The following SLC9C1 variants were observed in gnomAD, a reference collection of about 807,000 sequenced individuals.
The protein encoded by SLC9C1 is sodium/hydrogen exchanger 10.
Under a neutral mutation model 140.9 loss-of-function variants are expected in SLC9C1, and 97 were observed. The observed-to-expected ratio is 0.69, with a 90% CI of 0.58 to 0.82. SLC9C1 has a LOEUF of 0.82. Ranked by LOEUF, SLC9C1 falls within the 40% of genes least tolerant of loss-of-function variation. The pLI is 0.00. For missense variants in SLC9C1, 1,340 were observed against 1,389.3 expected (o/e 0.96, Z 0.56); for synonymous variants, 440 against 442.6 (o/e 0.99, Z 0.07).
intron 13 of SLC9C1, among the ~76,000 whole-genome samples, chr3:112,227,569 T>C (rs535208271): frequency 1.3e-5 from 2 of 152,210 alleles, no homozygotes; most frequent in Admixed American, 6.5e-5. Context: ...AAAGTAGATA[T>C]ACAAGGAATG....
chr3:112,198,441 T>G (rs1454984767), intron 20 of SLC9C1, among the ~76,000 whole-genome samples: 1 of 151,970 alleles, frequency 6.6e-6, no homozygotes, highest in Non-Finnish European at 1.5e-5. Context: ...GGATAAGACC[T>G]CCAGCATAGT....
chr3:112,180,567 T>C lies in SLC9C1; in HGVS notation c.2745A>G (p.Val915=). ...AAAACAAAAACCTCTGCCTTACCTT[T>C]ACCATGCCTGAAATAATGATATAGA... The part of the protein sequence containing the change: ...KGIYIIISGM[V]KLEKSKPGLG... Residue 915 remains valine, a synonymous_variant, in exon 22 of 29, where the codon GTA becomes GTG. Coordinates refer to ENST00000305815, the MANE Select transcript of SLC9C1 (RefSeq NM_183061.3). 1.9e-6 allele frequency: 3 copies of C among 1,604,512 alleles called. No homozygotes were observed. The highest frequency in any genetic ancestry group is 2.7e-5 in the African/African-American group (2 of 74,246).
intron 26 of SLC9C1, among the ~76,000 whole-genome samples, chr3:112,156,877 G>C (rs1039453738): frequency 6.6e-6 from 1 of 151,744 alleles, no homozygotes; most frequent in Non-Finnish European, 1.5e-5. Flanking sequence ...TCAAGTACTT[G>C]TGTTTTTGCT....
At chr3:112,157,282 T>C (rs2075152130) in intron 26 of SLC9C1, among the ~76,000 whole-genome samples, 1 of 152,114 alleles carries the variant, frequency 6.6e-6, no homozygotes, top group South Asian at 2.1e-4. Context: ...GACTGTCCTT[T>C]CCCCAATGTA....
In SLC9C1 at chr3:112,202,240, GT is replaced by G; in HGVS notation, c.2322+9del. The G allele has an allele frequency of 6.2e-7, 1 of 1,607,692 alleles. No homozygotes were observed. The highest frequency in any genetic ancestry group is 1.1e-5 in the South Asian group (1 of 88,686). The stretch of plus-strand genomic sequence containing the variant: ...GTGAACTCTTTTCTTAGGATTTAAG[GT>G]TTTCTTACCTGTTTAATCTGTTTAG... On this transcript the variant is annotated intron_variant, in intron 18 of 28. Coordinates refer to ENST00000305815, the MANE Select transcript of SLC9C1 (RefSeq NM_183061.3).
At position 112,204,363 on chromosome 3, in the gene SLC9C1, T is replaced by C. The variant is rs73853330; in HGVS notation, c.2027A>G (p.Asn676Ser). 5.5e-4 allele frequency: 870 copies of C among 1,573,330 alleles called. 2 individuals carry two copies. The African/African-American group carries it at 7.0e-3, about 13-fold the overall frequency. The change falls in exon 17 of 29, where the codon AAC becomes AGC. Residue 676 changes from asparagine (N) to serine (S), a missense_variant. By Grantham distance (46) the Asn-to-Ser change is conservative. Transcript: ENST00000305815. ...MRKDFFSHAW[N>S]IFELAITLIG... ...TAATGTAATTGCTAACTCGAATATG[T>C]TCCAGGCATGTGAAAAAAAGTCCTT...
intron 23 of SLC9C1, among the ~76,000 whole-genome samples, chr3:112,175,887 G>T (rs1027878094): frequency 6.6e-6 from 1 of 152,242 alleles, no homozygotes; most frequent in Non-Finnish European, 1.5e-5. Context: ...ATGCAATGCT[G>T]CTACCCGTGG....
intron 26 of SLC9C1, among the ~76,000 whole-genome samples, chr3:112,163,809 A>G (rs1164641749): frequency 1.3e-5 from 2 of 152,022 alleles, no homozygotes; most frequent in Non-Finnish European, 2.9e-5. Context: ...AGAGCTGAGT[A>G]CAATTCCTGG....
chr3:112,280,559 C>T, intron 3 of SLC9C1, 124 bp downstream of exon 3: 1 of 794,090 alleles, frequency 1.3e-6, no homozygotes, highest in Non-Finnish European at 2.0e-6. Flanking sequence ...CTAGCCACAT[C>T]ACAATCATCT....
intron 10 of SLC9C1, among the ~76,000 whole-genome samples, chr3:112,256,402 A>G (rs1021228559): frequency 2.0e-5 from 3 of 152,178 alleles, no homozygotes; most frequent in Non-Finnish European, 4.4e-5. Context: ...CTTGATTGGG[A>G]TGCAAGGTTG....
At chr3:112,275,761 GAAGAAACACC>G (rs2080195802) in intron 5 of SLC9C1, among the ~76,000 whole-genome samples, 1 of 152,174 alleles carries the variant, frequency 6.6e-6, no homozygotes, top group African/African-American at 2.4e-5. Flanking sequence ...TGATAGAAGA[GAAGAAACACC>G]AAGGCTGTTC....
intron 6 of SLC9C1, 52 bp downstream of exon 6, chr3:112,274,845 C>T (rs1222569974): frequency 4.0e-6 from 3 of 745,314 alleles, no homozygotes; most frequent in Non-Finnish European, 5.2e-6. Flanking sequence ...CATCAGCTTT[C>T]AGAAAATACA....
intron 12 of SLC9C1, among the ~76,000 whole-genome samples, chr3:112,234,201 G>T (rs1419919113): frequency 6.6e-6 from 1 of 152,176 alleles, no homozygotes; most frequent in Non-Finnish European, 1.5e-5. Context: ...GTATCTCGTT[G>T]TGGTTTTGAT....
chr3:112,161,415 A>C (rs1271276491), intron 26 of SLC9C1, among the ~76,000 whole-genome samples: 3 of 152,150 alleles, frequency 2.0e-5, no homozygotes, highest in African/African-American at 7.2e-5. Context: ...TCTAACGTTT[A>C]AGTCTTTAAT....
At chr3:112,182,551 G>T (rs1306816754) in intron 20 of SLC9C1, among the ~76,000 whole-genome samples, 1 of 151,962 alleles carries the variant, frequency 6.6e-6, no homozygotes, top group Non-Finnish European at 1.5e-5. Flanking sequence ...TAATAAGTAT[G>T]GTACCTCTTA....
At chr3:112,191,638 A>G (rs2077663800) in intron 20 of SLC9C1, among the ~76,000 whole-genome samples, 1 of 152,078 alleles carries the variant, frequency 6.6e-6, no homozygotes, top group Non-Finnish European at 1.5e-5. Context: ...TTCATCAGAA[A>G]TATTGGTCTA....
At chr3:112,186,436 AAAC>A (rs1441748415) in intron 20 of SLC9C1, among the ~76,000 whole-genome samples, 14 of 152,210 alleles carry the variant, frequency 9.2e-5, no homozygotes, top group African/African-American at 2.9e-4. Flanking sequence ...CACAGAAAAA[AAAC>A]AAAAACAATT....
At chr3:112,168,593 A>G (rs2077185375) in intron 25 of SLC9C1, among the ~76,000 whole-genome samples, 1 of 152,202 alleles carries the variant, frequency 6.6e-6, no homozygotes, top group African/African-American at 2.4e-5. Context: ...GAATAACTGT[A>G]CCAAAATCTA....
intron 26 of SLC9C1, among the ~76,000 whole-genome samples, chr3:112,159,118 G>A (rs1479010613): frequency 6.6e-6 from 1 of 150,464 alleles, no homozygotes; most frequent in East Asian, 1.9e-4. Context: ...CTATTTTGGG[G>A]GTGTGGGTAT....
Sources: gnomAD v4.1 joint callset for allele counts (sites outside exome capture counted in the v4.1 genomes callset) on GRCh38, gnomAD v4.1.1 for gene constraint, MANE v1.5 for transcripts, NCBI Gene and HGNC (gene_info 2026-07-23, HGNC 2026-07-21) for gene names.